Variants in PDE1C observed in about 807,000 individuals in gnomAD.
PDE1C encodes phosphodiesterase 1C.
In PDE1C, 62 loss-of-function variants were observed where a neutral mutation model predicts 93.1. The ratio of observed to expected loss-of-function variants is 0.67; its 90% CI spans 0.54 to 0.82. The LOEUF (loss-of-function observed/expected upper bound fraction) is 0.82. Ranked by LOEUF, PDE1C falls within the 40% of genes least tolerant of loss-of-function variation. The probability of loss-of-function intolerance (pLI) is 0.00; values close to 1 mark genes in which losing one functional copy is unlikely to be tolerated. For missense variants in PDE1C, 742 were observed against 884.6 expected (o/e 0.84, Z 2.04); for synonymous variants, 325 against 310.1 (o/e 1.05, Z -0.50).
chr7:32,192,202 A>C, intron 2 of PDE1C, among the ~76,000 whole-genome samples: 1 of 152,186 alleles, frequency 6.6e-6, no homozygotes, highest in Non-Finnish European at 1.5e-5. Flanking sequence ...ACAGAACATC[A>C]ATTTTTAATG....
At chr7:32,299,555 C>T (rs1168033205), upstream of PDE1C, among the ~76,000 whole-genome samples, 1 of 152,202 alleles carries the variant, frequency 6.6e-6, no homozygotes, top group Non-Finnish European at 1.5e-5. Context: ...TGATAGACTC[C>T]TGGAATTTGC....
chr7:32,162,380 T>C (rs113567842), intron 3 of PDE1C, among the ~76,000 whole-genome samples: 5 of 152,190 alleles, frequency 3.3e-5, no homozygotes, highest in African/African-American at 1.2e-4. Context: ...TGCAGTGTGA[T>C]GGGAGACTGT....
chr7:31,685,455 A>G, the PDE1C span, among the ~76,000 whole-genome samples: 5 of 152,310 alleles, frequency 3.3e-5, no homozygotes, highest in Admixed American at 3.3e-4. Flanking sequence ...TCACAACGAC[A>G]TGTAGATCTA....
the PDE1C span, among the ~76,000 whole-genome samples, chr7:31,632,240 C>T: frequency 2.6e-5 from 4 of 151,862 alleles, no homozygotes; most frequent in Admixed American, 6.6e-5. Context: ...TGAGGTCAGG[C>T]GATCAAGACC....
intron 1 of PDE1C, among the ~76,000 whole-genome samples, chr7:32,226,699 A>G (rs534727321): frequency 2.6e-5 from 4 of 152,336 alleles, no homozygotes; most frequent in South Asian, 2.1e-4. Flanking sequence ...TGCCCACTGC[A>G]GTGTCTAGCA....
the PDE1C span, among the ~76,000 whole-genome samples, chr7:31,743,073 T>TTTG: frequency 1.3e-5 from 2 of 152,116 alleles, no homozygotes; most frequent in African/African-American, 2.4e-5. Context: ...CTATAGTTTT[T>TTTG]TTGTTGTTGT....
intron 1 of PDE1C, among the ~76,000 whole-genome samples, chr7:32,375,092 C>A (rs1414056056): frequency 1.3e-5 from 2 of 152,184 alleles, no homozygotes; most frequent in Non-Finnish European, 2.9e-5. Context: ...TCCTAAGATT[C>A]ATACGGTATC....
chr7:32,041,808 C>G (rs1003298283), intron 2 of PDE1C, among the ~76,000 whole-genome samples: 3 of 152,150 alleles, frequency 2.0e-5, no homozygotes, highest in African/African-American at 7.2e-5. Flanking sequence ...CTTCATTAAA[C>G]TTTCCTGAGA....
intron 1 of PDE1C, among the ~76,000 whole-genome samples, chr7:32,210,412 TCAATG>T (rs1160624046): frequency 2.0e-5 from 3 of 152,190 alleles, no homozygotes; most frequent in Non-Finnish European, 4.4e-5. Context: ...AAAAAAGCAT[TCAATG>T]CATCAACAGA....
intron 9 of PDE1C, among the ~76,000 whole-genome samples, chr7:31,847,081 A>T (rs1792730513): frequency 6.6e-6 from 1 of 152,144 alleles, no homozygotes; most frequent in Non-Finnish European, 1.5e-5. Flanking sequence ...GATTTAGATG[A>T]TCTCTGCCTG....
At chr7:31,840,381 C>T (rs1464111664) in intron 9 of PDE1C, among the ~76,000 whole-genome samples, 2 of 152,016 alleles carry the variant, frequency 1.3e-5, no homozygotes, top group African/African-American at 4.8e-5. Flanking sequence ...CTATGTAAAA[C>T]ATAAGTGTTG....
chr7:32,049,011 C>T (rs979004819), intron 2 of PDE1C, among the ~76,000 whole-genome samples: 10 of 152,162 alleles, frequency 6.6e-5, no homozygotes, highest in Non-Finnish European at 1.3e-4. Context: ...GTAAAACTTC[C>T]TCTCACTGTC....
chr7:32,135,232 G>A (rs1392889335), intron 3 of PDE1C, among the ~76,000 whole-genome samples: 4 of 152,150 alleles, frequency 2.6e-5, no homozygotes, highest in African/African-American at 9.7e-5. Flanking sequence ...CTCTCATGAT[G>A]AGCCCTATAG....
At chr7:32,151,558 C>T (rs1801259548) in intron 3 of PDE1C, among the ~76,000 whole-genome samples, 1 of 152,104 alleles carries the variant, frequency 6.6e-6, no homozygotes, top group South Asian at 2.1e-4. Context: ...TACTACTCAG[C>T]AACAAAAAGA....
At chr7:32,387,534 C>T (rs1423795311) in intron 1 of PDE1C, among the ~76,000 whole-genome samples, 3 of 137,168 alleles carry the variant, frequency 2.2e-5, no homozygotes, top group African/African-American at 5.6e-5. Flanking sequence ...CCGGACGGGG[C>T]GGCTGGCCGG....
chr7:32,275,295 G>T (rs992599233), intron 1 of PDE1C, among the ~76,000 whole-genome samples: 1 of 151,648 alleles, frequency 6.6e-6, no homozygotes, highest in Non-Finnish European at 1.5e-5. Flanking sequence ...CCAAGCTAAT[G>T]AGGAAAAAAA....
intron 2 of PDE1C, among the ~76,000 whole-genome samples, chr7:32,048,567 C>A (rs973300770): frequency 1.3e-5 from 2 of 152,074 alleles, no homozygotes; most frequent in South Asian, 2.1e-4. Flanking sequence ...AGACTCCTAA[C>A]GTGAGCAAAG....
At chr7:31,713,961 C>T in the PDE1C span, among the ~76,000 whole-genome samples, 2 of 152,186 alleles carry the variant, frequency 1.3e-5, no homozygotes, top group South Asian at 2.1e-4. Flanking sequence ...GCAAAGGTCT[C>T]TGACATGCCC....
intron 2 of PDE1C, among the ~76,000 whole-genome samples, chr7:31,988,658 G>T (rs996187601): frequency 1.1e-4 from 16 of 152,106 alleles, no homozygotes; most frequent in African/African-American, 3.6e-4. Flanking sequence ...AGGAGTTCCA[G>T]TTCAGCCTGG....
Sources: allele counts gnomAD v4.1 joint callset (sites outside exome capture counted in the v4.1 genomes callset), GRCh38; gene constraint gnomAD v4.1.1; transcripts MANE v1.5; gene names NCBI Gene and HGNC (gene_info 2026-07-23, HGNC 2026-07-21).